The following RASAL3 variants were observed in gnomAD, a reference collection of about 807,000 sequenced individuals.
RASAL3 encodes the protein RAS protein activator like-3.
Under a neutral mutation model 105.5 loss-of-function variants are expected in RASAL3, and 74 were observed. The ratio of observed to expected loss-of-function variants is 0.70; its 90% CI spans 0.58 to 0.85. The LOEUF is 0.85. Among genes scored for constraint, RASAL3 ranks in the 40% least tolerant of loss-of-function variants. The pLI is 0.00. For missense variants in RASAL3, 1,352 were observed against 1,392.0 expected (o/e 0.97, Z 0.46); for synonymous variants, 579 against 591.6 (o/e 0.98, Z 0.31).
At position 15,454,721 on chromosome 19, in the gene RASAL3, G is replaced by A. The variant is rs199838715; in HGVS notation, c.1894C>T (p.Pro632Ser). 6 of 1,610,822 alleles carry A rather than the reference G, an allele frequency of 3.7e-6. No homozygotes were observed. Among genetic ancestry groups the A allele is most frequent in the Admixed American group, 1.7e-5 (1 of 59,390 alleles). ...AGTGTGAGGGTGCGGGCTGGGCCGG[G>A]TGCTGGATGGTCTGGTGCCAAACCA... ...LFGLAPDHPAPGPARTLTLIA... is the reference protein window; with the variant it reads ...LFGLAPDHPASGPARTLTLIA... The change falls in exon 12 of 18, where the codon CCC (proline) becomes TCC (serine). Residue 632 changes from proline (P) to serine (S), a missense_variant. Transcript: ENST00000343625.
At position 15,464,089 on chromosome 19, in the gene RASAL3, C is replaced by G. The variant is rs750433106; in HGVS notation, c.270G>C (p.Trp90Cys). The G allele has an allele frequency of 2.5e-6, 4 of 1,606,538 alleles. No homozygotes were observed. The highest frequency in any genetic ancestry group is 1.7e-5 in the Admixed American group (1 of 59,418). Residue 90 changes from tryptophan to cysteine, a missense_variant, in exon 2 of 18, where the codon TGG (tryptophan) becomes TGC (cysteine). Around this residue, in one of 3 missense-constraint regions of RASAL3, gnomAD observed 344 missense variants for 339.6 expected, o/e 1.01. Transcript: ENST00000343625. The part of the protein sequence containing the change: ...TSRLRLSKAL[W>C]GRHKNPPPEP... ...CCGGCGGTGGGTTCTTATGCCTCCCCCAGAGGGCCTTGGAGAGTCGAAGGC... is the reference window on the plus strand; with the variant it reads ...CCGGCGGTGGGTTCTTATGCCTCCCGCAGAGGGCCTTGGAGAGTCGAAGGC...
At position 15,461,579 on chromosome 19, in the gene RASAL3, G is replaced by A; in HGVS notation, c.357C>T (p.Pro119=). The A allele has an allele frequency of 6.5e-7, 1 of 1,532,392 alleles. No homozygotes were observed. 94.9% of individuals were successfully genotyped at this position (1,532,392 alleles called of 1,614,324 possible). The part of the protein sequence containing the change: ...PELEPEPELE[P]PTPQIPEAPT... Reference sequence around the variant, plus strand: ...GGGCCTCAGGGATCTGTGGGGTAGGGGGCTCCAGCTCTGGCTCCGGCTCCA... The same window carrying A: ...GGGCCTCAGGGATCTGTGGGGTAGGAGGCTCCAGCTCTGGCTCCGGCTCCA... Residue 119 remains proline (P), a synonymous_variant, in exon 3 of 18, where the codon CCC becomes CCT. Transcript: ENST00000343625.
In RASAL3 at chr19:15,457,724, A is replaced by G. The variant is rs1399749903; in HGVS notation, c.999T>C (p.Asp333=). ...GCGCCGTGCGTGCCAGCAGCGCGCC[A>G]TCCAGCCACAGCTCGGCGCGCACGC... ...APGVRAELWL[D]GALLARTAPR... Residue 333 remains aspartate (D), a synonymous_variant, in exon 9 of 18, where the codon GAT becomes GAC. Transcript: ENST00000343625. The surrounding 1 kb of genome is among the most constrained non-coding windows in gnomAD (Gnocchi z 8.6). The G allele has an allele frequency of 5.9e-6, 9 of 1,524,328 alleles. No individual in the cohort carries two copies. In the African/African-American group the frequency reaches 1.1e-4, roughly 19 times the overall value. The allele number at this position is 1,524,328 out of a possible 1,614,324, so 94.4% of individuals were successfully genotyped here. A position where few individuals can be genotyped will look rare whatever the true frequency, so the allele number is the denominator to read the frequency against.
In RASAL3 at chr19:15,452,669, C is replaced by G. The variant is rs547899579; in HGVS notation, c.2817G>C (p.Arg939Ser). The G allele has an allele frequency of 2.4e-4, 377 of 1,548,096 alleles. 3 individuals are homozygous for G. In the East Asian group the frequency reaches 8.9e-3, roughly 36 times the overall value. Residue 939 changes from arginine (R) to serine (S), a missense_variant, in exon 16 of 18, where the codon AGG (arginine) becomes AGC (serine). Coordinates refer to ENST00000343625, the MANE Select transcript of RASAL3 (RefSeq NM_022904.3). ...LRGQLQDLDS[R>S]LRAGSSEFDS... ...AGGGCTGGGCTCACCCAGCACGGAG[C>G]CTGGAGTCCAGATCCTGCAGCTGGC... is the stretch of plus-strand genomic sequence containing the variant.
In RASAL3 at chr19:15,452,665, G is replaced by T; in HGVS notation, c.2821C>A (p.Arg941Ser). 3 of 1,546,746 alleles carry T rather than the reference G, an allele frequency of 1.9e-6. No individual in the cohort carries two copies. The highest frequency in any genetic ancestry group is 2.4e-5 in the South Asian group (2 of 83,564). Residue 941 changes from arginine to serine, a missense_variant, in exon 16 of 18, where the codon CGT becomes AGT. Transcript: ENST00000343625. ...GGAGAGGGCTGGGCTCACCCAGCAC[G>T]GAGCCTGGAGTCCAGATCCTGCAGC... ...GQLQDLDSRL[R>S]AGSSEFDSEH...
At position 15,458,404 on chromosome 19, in the gene RASAL3, C is replaced by A. The variant is rs1970398148; in HGVS notation, c.812G>T (p.Arg271Leu). The change falls in exon 8 of 18, where the codon CGC becomes CTC. Residue 271 changes from arginine to leucine, a missense_variant. Arg to Leu is a moderately radical substitution (Grantham distance 102). Around this residue, in one of 3 missense-constraint regions of RASAL3, gnomAD observed 88 missense variants for 132.7 expected, o/e 0.66. Coordinates refer to ENST00000343625, the MANE Select transcript of RASAL3 (RefSeq NM_022904.3). ...AGCGGCCGAGCGACAAGAGAAGCAG[C>A]GGCTTCCACCCGTCCAGGTTACCTG... ...CFQVTWTGGS[R>L]CFSCRSAAER... 6.2e-7 allele frequency: 1 copy of A among 1,613,796 alleles called. No individual in the cohort carries two copies. The highest frequency in any genetic ancestry group is 8.5e-7 in the Non-Finnish European group (1 of 1,179,814).
chr19:15,452,211 G>T, intron 16 of RASAL3, 103 bp from the exon 17 acceptor site: 1 of 1,157,266 alleles, frequency 8.6e-7, no homozygotes, highest in Non-Finnish European at 1.3e-6. Flanking sequence ...TTGGAGTGGA[G>T]GCGGAGCTTG....
rs760921107 is a variant in RASAL3 at position 15,458,666 on chromosome 19, G to C, written c.663-11C>G. On this transcript the variant is annotated splice_polypyrimidine_tract_variant and intron_variant, in intron 6 of 17. Coordinates refer to ENST00000343625, the MANE Select transcript of RASAL3 (RefSeq NM_022904.3). ...AGAGCACTGGGGGGTCTGGGAAGGGGGTGGGTGAGCACACCGTCATTCCTG... is the reference window on the plus strand; with the variant it reads ...AGAGCACTGGGGGGTCTGGGAAGGGCGTGGGTGAGCACACCGTCATTCCTG... 3 of 1,611,494 alleles carry C rather than the reference G, an allele frequency of 1.9e-6. No homozygotes were observed. In the South Asian group the frequency reaches 3.3e-5, roughly 18 times the overall value.
At chr19:15,461,691 T>A in intron 2 of RASAL3, 84 bp from the exon 3 acceptor site, 2 of 1,426,344 alleles carry the variant, frequency 1.4e-6, no homozygotes, top group Middle Eastern at 2.0e-4. Context: ...AGGCTCATGG[T>A]GGGTTCCCTC....
chr19:15,452,375 C>A, intron 16 of RASAL3: 1 of 592,060 alleles, frequency 1.7e-6, no homozygotes, highest in South Asian at 2.0e-5. Flanking sequence ...AGTGCCCAGG[C>A]TGAGATATCT....
At chr19:15,452,364 G>A in intron 16 of RASAL3, 1 of 596,146 alleles carries the variant, frequency 1.7e-6, no homozygotes, top group Non-Finnish European at 3.0e-6. Flanking sequence ...GAGCTGGAGG[G>A]AGTGCCCAGG....
intron 5 of RASAL3, 101 bp downstream of exon 5, chr19:15,460,959 G>T: frequency 1.8e-6 from 2 of 1,092,926 alleles, no homozygotes; most frequent in East Asian, 2.5e-5. Flanking sequence ...AAGAGGGTCA[G>T]CAACCTGCTC....
chr19:15,461,597 C>G lies in RASAL3; in HGVS notation c.339G>C (p.Pro113=). Reference sequence around the variant, plus strand: ...GGGTAGGGGGCTCCAGCTCTGGCTCCGGCTCCAGCTCTGGGAAGAAGAGGA... The same window carrying G: ...GGGTAGGGGGCTCCAGCTCTGGCTCGGGCTCCAGCTCTGGGAAGAAGAGGA... The part of the protein sequence containing the change: ...EPEQEAPELE[P]EPELEPPTPQ... The change falls in exon 3 of 18, where the codon CCG becomes CCC. Residue 113 remains proline, a synonymous_variant. Transcript: ENST00000343625. The G allele has an allele frequency of 1.3e-6, 2 of 1,530,482 alleles. No individual in the cohort carries two copies. Among genetic ancestry groups the G allele is most frequent in the Non-Finnish European group, 1.7e-6 (2 of 1,144,494 alleles). The allele number at this position is 1,530,482 out of a possible 1,614,324, so 94.8% of individuals were successfully genotyped here.
rs939788614 is a variant in RASAL3 at position 15,453,051 on chromosome 19, T to TC, written c.2670+55dup. Reference sequence around the variant, plus strand: ...CCAGACTTGCCTGGCCCTTCAGTCTTCCCCAGTCGCGTCCCTGTTCCCACT... The same window carrying TC: ...CCAGACTTGCCTGGCCCTTCAGTCTTCCCCCAGTCGCGTCCCTGTTCCCACT... On this transcript the variant is annotated intron_variant, in intron 15 of 17. Transcript: ENST00000343625. This position sits in a 1 kb window ranked among gnomAD's most constrained non-coding sequence, Gnocchi z 4.2. 3.1e-6 allele frequency: 5 copies of TC among 1,606,876 alleles called. No individual in the cohort carries two copies. Among genetic ancestry groups the TC allele is most frequent in the Non-Finnish European group, 4.2e-6 (5 of 1,177,822 alleles).
In RASAL3 at chr19:15,457,489, C is replaced by T; in HGVS notation, c.1234G>A (p.Gly412Ser). The T allele has an allele frequency of 8.3e-7, 1 of 1,207,576 alleles. No homozygotes were observed. The highest frequency in any genetic ancestry group is 1.0e-6 in the Non-Finnish European group (1 of 967,106). The allele number at this position is 1,207,576 out of a possible 1,614,324, so 74.8% of individuals were successfully genotyped here. A position where few individuals can be genotyped will look rare whatever the true frequency, so the allele number is the denominator to read the frequency against. Residue 412 changes from glycine to serine, a missense_variant, in exon 9 of 18, where the codon GGC becomes AGC. Physicochemically the swap from Gly to Ser is moderately conservative, Grantham distance 56. Transcript: ENST00000343625. The surrounding 1 kb of genome is among the most constrained non-coding windows in gnomAD (Gnocchi z 8.6). ...CGAATCCGCGCCCGCAGCGCTGCGC[C>T]CGCCGGCGCCCCGAGCAGCGGGAAC... ...RWFPLLGAPA[G>S]AALRARIRAR...
At position 15,451,857 on chromosome 19, in the gene RASAL3, G is replaced by A. The variant is rs775451877; in HGVS notation, c.2974C>T (p.Arg992Trp). Residue 992 changes from arginine (R) to tryptophan (W), a missense_variant, in exon 18 of 18, where the codon CGG becomes TGG. Coordinates refer to ENST00000343625, the MANE Select transcript of RASAL3 (RefSeq NM_022904.3). ...GGCTGGGGTTGACTCCAAGACCCCCGCGTCCTTGGAGAAAGCTGCAGGCTC... is the reference window on the plus strand; with the variant it reads ...GGCTGGGGTTGACTCCAAGACCCCCACGTCCTTGGAGAAAGCTGCAGGCTC... ...VQSLQLSPRT[R>W]GSWSQPQPLK... 5 of 1,608,772 alleles carry A rather than the reference G, an allele frequency of 3.1e-6. No homozygotes were observed. Among genetic ancestry groups the A allele is most frequent in the Admixed American group, 1.7e-5 (1 of 59,928 alleles).
chr19:15,454,865 A>C lies in RASAL3; in HGVS notation c.1750T>G (p.Phe584Val), dbSNP rs1165423372. The C allele has an allele frequency of 6.4e-7, 1 of 1,569,514 alleles. No homozygotes were observed. Among genetic ancestry groups the C allele is most frequent in the Non-Finnish European group, 8.6e-7 (1 of 1,157,968 alleles). The change falls in exon 12 of 18, where the codon TTC (phenylalanine) becomes GTC (valine). Residue 584 changes from phenylalanine to valine, a missense_variant. Physicochemically the swap from Phe to Val is conservative, Grantham distance 50. Transcript: ENST00000343625. ...DWFPAELGIVFSSWREACKER... is the reference protein window; with the variant it reads ...DWFPAELGIVVSSWREACKER... Reference sequence around the variant, plus strand: ...TTACATGCTTCTCGCCAGCTTGAGAACACGATGCCCAGCTCCGCAGGGAAC... The same window carrying C: ...TTACATGCTTCTCGCCAGCTTGAGACCACGATGCCCAGCTCCGCAGGGAAC...
At position 15,461,256 on chromosome 19, in the gene RASAL3, C is replaced by T; in HGVS notation, c.506G>A (p.Gly169Asp). Residue 169 changes from glycine (G) to aspartate (D), a missense_variant, in exon 4 of 18, where the codon GGC becomes GAC. Physicochemically the swap from Gly to Asp is moderately conservative, Grantham distance 94. Coordinates refer to ENST00000343625, the MANE Select transcript of RASAL3 (RefSeq NM_022904.3). ...RPRVGSASSEGSIHVAMGNFR... is the reference protein window; with the variant it reads ...RPRVGSASSEDSIHVAMGNFR... Reference sequence around the variant, plus strand: ...GTTCCCCATGGCCACGTGGATGCTGCCCTCGGAGCTAGCACTTCCCACCCG... The same window carrying T: ...GTTCCCCATGGCCACGTGGATGCTGTCCTCGGAGCTAGCACTTCCCACCCG... 1.2e-6 allele frequency: 2 copies of T among 1,613,892 alleles called. No individual in the cohort carries two copies. Among genetic ancestry groups the T allele is most frequent in the Admixed American group, 1.7e-5 (1 of 60,010 alleles).
In RASAL3 at chr19:15,456,744, C is replaced by T; in HGVS notation, c.1432-98G>A. ...CCTCACACCAGAGGCACAGGCCCCG[C>T]CCCTTGTAGCTGATGCTTAGGCCCA... On this transcript the variant is annotated intron_variant, in intron 9 of 17. Coordinates refer to ENST00000343625, the MANE Select transcript of RASAL3 (RefSeq NM_022904.3). The surrounding 1 kb of genome is among the most constrained non-coding windows in gnomAD (Gnocchi z 4.4). 7.1e-7 allele frequency: 1 copy of T among 1,402,778 alleles called. No individual in the cohort carries two copies. The highest frequency in any genetic ancestry group is 9.7e-7 in the Non-Finnish European group (1 of 1,032,392). 86.9% of individuals were successfully genotyped at this position (1,402,778 alleles called of 1,614,324 possible).
Sources: allele counts gnomAD v4.1 joint callset, GRCh38; gene constraint gnomAD v4.1.1; regional missense constraint gnomAD v4.1.1; non-coding constraint Gnocchi (gnomAD v3.1); transcripts MANE v1.5; gene names NCBI Gene and HGNC (gene_info 2026-07-23, HGNC 2026-07-21).